Variants in ADAMTSL3 observed in about 807,000 individuals in gnomAD.
The protein encoded by ADAMTSL3 is ADAMTS like 3.
A neutral mutation model predicts 201.7 loss-of-function variants in ADAMTSL3; 128 were observed. The observed-to-expected ratio is 0.63, with a 90% CI of 0.55 to 0.73. ADAMTSL3 has a LOEUF of 0.73. Ranked by LOEUF, ADAMTSL3 falls within the 30% of genes least tolerant of loss-of-function variation. The pLI, the probability that ADAMTSL3 is intolerant of heterozygous loss-of-function variation, is 0.00. For synonymous variants in ADAMTSL3, 738 were observed against 748.4 expected (o/e 0.99, Z 0.23); for missense variants, 1,990 against 2,119.6 (o/e 0.94, Z 1.20).
At chr15:83,702,551 C>T (rs1224980549) in intron 2 of ADAMTSL3, among the ~76,000 whole-genome samples, 1 of 152,210 alleles carries the variant, frequency 6.6e-6, no homozygotes, top group Non-Finnish European at 1.5e-5. Flanking sequence ...TGTGTCCCAG[C>T]TGCTCCAGCT....
At chr15:83,660,517 T>G (rs575632140) in intron 2 of ADAMTSL3, among the ~76,000 whole-genome samples, 54 of 152,198 alleles carry the variant, frequency 3.5e-4, no homozygotes, top group Non-Finnish European at 7.6e-4. Context: ...GTCTGAGTGT[T>G]GCCCCATGCT....
intron 23 of ADAMTSL3, among the ~76,000 whole-genome samples, chr15:84,008,857 T>A (rs1481220100): frequency 6.6e-6 from 1 of 152,184 alleles, no homozygotes; most frequent in Non-Finnish European, 1.5e-5. Flanking sequence ...CTCATCTCAG[T>A]GAATGACAAG....
intron 14 of ADAMTSL3, 120 bp downstream of exon 14, chr15:83,898,125 T>A: frequency 1.8e-6 from 2 of 1,121,126 alleles, no homozygotes; most frequent in Non-Finnish European, 2.5e-6. Context: ...ATTGACAGAT[T>A]GCAATAGACC....
intron 4 of ADAMTSL3, among the ~76,000 whole-genome samples, chr15:83,785,489 T>A (rs1359059309): frequency 6.6e-6 from 1 of 152,282 alleles, no homozygotes; most frequent in Admixed American, 6.5e-5. Context: ...CCAGCTGGTT[T>A]TTTTGTAGAT....
At chr15:84,035,918 G>T (rs1290286444) in intron 28 of ADAMTSL3, among the ~76,000 whole-genome samples, 1 of 152,150 alleles carries the variant, frequency 6.6e-6, no homozygotes, top group Non-Finnish European at 1.5e-5. Flanking sequence ...TCTGGCCGAT[G>T]TGGAAGAATA....
At chr15:83,672,679 C>T (rs1235030778) in intron 2 of ADAMTSL3, among the ~76,000 whole-genome samples, 1 of 152,240 alleles carries the variant, frequency 6.6e-6, no homozygotes, top group Non-Finnish European at 1.5e-5. Flanking sequence ...TACTGTTCAA[C>T]CCAAATTCCT....
At chr15:84,012,182 A>G (rs2141888031) in intron 23 of ADAMTSL3, among the ~76,000 whole-genome samples, 1 of 152,354 alleles carries the variant, frequency 6.6e-6, no homozygotes, top group Non-Finnish European at 1.5e-5. Flanking sequence ...GCTTAAAACA[A>G]TACCCATATA....
chr15:83,703,438 TG>T (rs1328738975), intron 2 of ADAMTSL3, among the ~76,000 whole-genome samples: 2 of 152,170 alleles, frequency 1.3e-5, no homozygotes, highest in Non-Finnish European at 2.9e-5. Context: ...AATCTCATCT[TG>T]AATTGTACTC....
At chr15:83,702,816 A>G (rs987095145) in intron 2 of ADAMTSL3, among the ~76,000 whole-genome samples, 7 of 152,200 alleles carry the variant, frequency 4.6e-5, no homozygotes, top group African/African-American at 1.4e-4. Flanking sequence ...GAGCCCCCAT[A>G]CAGAGTTCCT....
At chr15:83,840,008 C>T (rs1167256392) in intron 7 of ADAMTSL3, among the ~76,000 whole-genome samples, 1 of 152,112 alleles carries the variant, frequency 6.6e-6, no homozygotes, top group African/African-American at 2.4e-5. Flanking sequence ...GTTATCATGG[C>T]TGATAGCAAA....
At chr15:83,775,213 C>T (rs924002555) in intron 4 of ADAMTSL3, among the ~76,000 whole-genome samples, 40 of 152,126 alleles carry the variant, frequency 2.6e-4, no homozygotes, top group African/African-American at 9.2e-4. Context: ...GAGAAGTTTC[C>T]AGCCTGGGAA....
chr15:83,944,916 C>T (rs2066627117), intron 19 of ADAMTSL3, among the ~76,000 whole-genome samples: 2 of 152,210 alleles, frequency 1.3e-5, no homozygotes, highest in Admixed American at 1.3e-4. Flanking sequence ...AGAAGGTCCA[C>T]ATTTCTGGCT....
Position 83,983,120 on chromosome 15 carries a change from A to C in ADAMTSL3, c.3492A>C (p.Ala1164=). 6.2e-7 allele frequency: 1 copy of C among 1,614,074 alleles called. No homozygotes were observed. Among genetic ancestry groups the C allele is most frequent in the South Asian group, 1.1e-5 (1 of 91,044 alleles). ...ETGSVSQSSH[A]KNSGKLTFKP... Reference sequence around the variant, plus strand: ...GGAGTGTGTCCCAAAGCTCGCATGCAAAAAACTCAGGCAAGCTGACATTCA... The same window carrying C: ...GGAGTGTGTCCCAAAGCTCGCATGCCAAAAACTCAGGCAAGCTGACATTCA... Residue 1164 remains alanine (A), a synonymous_variant, in exon 21 of 30, where the codon GCA becomes GCC. Transcript: ENST00000286744.
intron 2 of ADAMTSL3, among the ~76,000 whole-genome samples, chr15:83,703,559 A>G (rs573964044): frequency 2.1e-4 from 32 of 152,130 alleles, no homozygotes; most frequent in African/African-American, 7.2e-4. Flanking sequence ...ACGAGATCTG[A>G]TGGTTTTATC....
chr15:83,792,034 C>T (rs550882556), intron 4 of ADAMTSL3, among the ~76,000 whole-genome samples: 2 of 152,062 alleles, frequency 1.3e-5, no homozygotes, highest in South Asian at 4.2e-4. Flanking sequence ...TACATCAAAC[C>T]AAAATGCTTC....
chr15:83,791,619 GA>G (rs2063346078), intron 4 of ADAMTSL3, among the ~76,000 whole-genome samples: 2 of 152,192 alleles, frequency 1.3e-5, no homozygotes, highest in South Asian at 2.1e-4. Flanking sequence ...AACACTTTGG[GA>G]GGCCGAGGCG....
intron 5 of ADAMTSL3, among the ~76,000 whole-genome samples, chr15:83,811,423 G>C (rs1258260922): frequency 5.3e-5 from 8 of 152,198 alleles, no homozygotes; most frequent in Admixed American, 4.6e-4. Context: ...GAGTTTCTCT[G>C]TGTGTGTATC....
chr15:84,003,217 C>T (rs753112799), intron 23 of ADAMTSL3, among the ~76,000 whole-genome samples: 4 of 152,158 alleles, frequency 2.6e-5, no homozygotes, highest in South Asian at 2.1e-4. Flanking sequence ...TCCCAAAGTA[C>T]TGAGATTACA....
intron 23 of ADAMTSL3, among the ~76,000 whole-genome samples, chr15:84,011,720 C>G (rs1393961049): frequency 6.6e-6 from 1 of 152,076 alleles, no homozygotes; most frequent in African/African-American, 2.4e-5. Flanking sequence ...ATTAGAAAAA[C>G]TATTCAAAAT....
Sources: allele counts gnomAD v4.1 joint callset (sites outside exome capture counted in the v4.1 genomes callset), GRCh38; gene constraint gnomAD v4.1.1; transcripts MANE v1.5; gene names NCBI Gene and HGNC (gene_info 2026-07-23, HGNC 2026-07-21).